The following SND1 variants were observed in gnomAD, a reference collection of about 807,000 sequenced individuals.
SND1 encodes the protein staphylococcal nuclease and tudor domain containing 1, also known as staphylococcal nuclease domain-containing protein 1.
In SND1, 38 loss-of-function variants were observed where a neutral mutation model predicts 121.7. That is an observed-to-expected ratio of 0.31 (90% confidence interval 0.24 to 0.41). The LOEUF is 0.41. Ranked by LOEUF, SND1 falls within the 10% of genes least tolerant of loss-of-function variation. SND1 has a pLI of 1.00. For synonymous variants in SND1, 401 were observed against 447.4 expected (o/e 0.90, Z 1.31); for missense variants, 868 against 1,184.6 (o/e 0.73, Z 3.92).
intron 15 of SND1, among the ~76,000 whole-genome samples, chr7:127,966,834 G>C (rs1801863966): frequency 7.0e-6 from 1 of 142,586 alleles, no homozygotes; most frequent in Non-Finnish European, 1.5e-5. Flanking sequence ...GCTAGCAGAA[G>C]GCAAGAAATA....
rs189860051 is a variant in SND1 at position 127,776,178 on chromosome 7, A to C, written c.1153-31306A>C. Among the ~76,000 whole-genome samples the C allele has an allele frequency of 1.9e-3, 288 of 152,334 alleles. 7 individuals are homozygous for C. The highest frequency in any genetic ancestry group is 0.016 in the Admixed American group (250 of 15,304). ...TGAGTGAAAAAATAGGCTTTCATCT[A>C]GCAGTTTTAGAAGGATGGTTTGGGA... On this transcript the variant is annotated intron_variant, in intron 10 of 23. Transcript: ENST00000354725.
intron 16 of SND1, among the ~76,000 whole-genome samples, chr7:128,014,540 G>T (rs538510278): frequency 1.6e-4 from 25 of 152,290 alleles, no homozygotes; most frequent in Admixed American, 1.1e-3. Context: ...TCCCAAAGGC[G>T]GGTGGGAAGG....
intron 12 of SND1, among the ~76,000 whole-genome samples, chr7:127,872,640 AC>A (rs1563042952): frequency 1.2e-3 from 184 of 149,542 alleles, no homozygotes; most frequent in Non-Finnish European, 2.4e-3. Context: ...ACACACACAC[AC>A]ACACACACAC....
At chr7:127,778,106 C>T (rs1266221457) in intron 10 of SND1, among the ~76,000 whole-genome samples, 1 of 152,158 alleles carries the variant, frequency 6.6e-6, no homozygotes, top group Non-Finnish European at 1.5e-5. Context: ...TGCCCCTTAC[C>T]TTCCATCTAG....
chr7:128,076,239 C>T (rs1051580419), intron 17 of SND1, among the ~76,000 whole-genome samples: 2 of 152,212 alleles, frequency 1.3e-5, no homozygotes, highest in African/African-American at 4.8e-5. Context: ...CTGTGCTGAA[C>T]TCAGCATCGT....
intron 12 of SND1, among the ~76,000 whole-genome samples, chr7:127,879,053 A>G (rs1029975035): frequency 6.6e-5 from 10 of 152,182 alleles, no homozygotes; most frequent in Admixed American, 6.5e-5. Flanking sequence ...GACTCCTTGA[A>G]GATGCCATCA....
intron 10 of SND1, among the ~76,000 whole-genome samples, chr7:127,752,006 C>G (rs1797105857): frequency 6.6e-6 from 1 of 152,260 alleles, no homozygotes; most frequent in Admixed American, 6.5e-5. Context: ...CATCTTTTTC[C>G]TTGCTGCTCT....
chr7:127,701,567 T>C (rs1796103963), intron 5 of SND1, among the ~76,000 whole-genome samples: 1 of 135,578 alleles, frequency 7.4e-6, no homozygotes, highest in Non-Finnish European at 1.6e-5. Flanking sequence ...AGTAAATTGC[T>C]GGTATTTTGC....
intron 19 of SND1, 134 bp downstream of exon 19, chr7:128,084,981 G>A (rs1259454503): frequency 3.5e-5 from 31 of 890,944 alleles, no homozygotes; most frequent in Non-Finnish European, 4.8e-5. Flanking sequence ...TCTCCTGGGT[G>A]TCCCTCTTCA....
At chr7:127,727,909 G>A (rs1363673156) in intron 10 of SND1, among the ~76,000 whole-genome samples, 1 of 152,122 alleles carries the variant, frequency 6.6e-6, no homozygotes, top group African/African-American at 2.4e-5. Context: ...TATATGTCCT[G>A]ATTTTTAAGA....
At chr7:128,028,462 G>T in intron 16 of SND1, 1 of 466,390 alleles carries the variant, frequency 2.1e-6, no homozygotes, top group Non-Finnish European at 3.7e-6. Flanking sequence ...ACGTTCCCAA[G>T]ATTCCCCCCC....
At chr7:127,692,163 G>T (rs1204388543) in intron 2 of SND1, among the ~76,000 whole-genome samples, 1 of 152,114 alleles carries the variant, frequency 6.6e-6, no homozygotes, top group Non-Finnish European at 1.5e-5. Flanking sequence ...ACATTCTGGG[G>T]TTTCATCTTG....
chr7:127,818,858 A>G (rs1798495758), intron 11 of SND1, among the ~76,000 whole-genome samples: 1 of 152,248 alleles, frequency 6.6e-6, no homozygotes, highest in Admixed American at 6.5e-5. Context: ...GAAGGGAGAA[A>G]GTCACAGAGG....
chr7:127,686,571 G>A lies in SND1; in HGVS notation c.79-42G>A, dbSNP rs768172527. The A allele has an allele frequency of 1.8e-5, 28 of 1,588,854 alleles. No individual in the cohort carries two copies. The Admixed American group carries it at 3.4e-4, about 19-fold the overall frequency. ...TACACAACCTGCATTATGGTGATACGGCCTCTGGACCATTCATTTTCTCTT... is the reference window on the plus strand; with the variant it reads ...TACACAACCTGCATTATGGTGATACAGCCTCTGGACCATTCATTTTCTCTT... On this transcript the variant is annotated intron_variant, in intron 1 of 23. Transcript: ENST00000354725.
chr7:128,028,917 A>C (rs1011503971), intron 16 of SND1: 4 of 1,612,098 alleles, frequency 2.5e-6, no homozygotes, highest in Non-Finnish European at 1.7e-6. Context: ...TGCTGCTGGG[A>C]TGTCTTCGTC....
chr7:127,928,102 G>T (rs966132659), intron 14 of SND1: 3 of 152,338 alleles, frequency 2.0e-5, no homozygotes, highest in South Asian at 4.1e-4. Context: ...GCATCTATGT[G>T]ACTGAGTTCT....
At chr7:127,695,703 G>A (rs1322715622) in intron 3 of SND1, among the ~76,000 whole-genome samples, 1 of 152,188 alleles carries the variant, frequency 6.6e-6, no homozygotes, top group Non-Finnish European at 1.5e-5. Flanking sequence ...GCGCACGCCT[G>A]TAGTCGTAGC....
intron 10 of SND1, among the ~76,000 whole-genome samples, chr7:127,801,140 G>C (rs1220544266): frequency 6.6e-6 from 1 of 152,166 alleles, no homozygotes; most frequent in African/African-American, 2.4e-5. Context: ...GTAGTTAGAG[G>C]TATGTGTGTT....
intron 10 of SND1, among the ~76,000 whole-genome samples, chr7:127,764,056 A>AAAAAAAAAAAAAAAAAAAAAAAAAAC (rs1554422863): frequency 5.2e-5 from 7 of 135,218 alleles, no homozygotes; most frequent in Non-Finnish European, 4.9e-5. Context: ...AAAAAAACAA[A>AAAAAAAAAAAAAAAAAAAAAAAAAAC]AAAACAAAAA....
Sources: gnomAD v4.1 joint callset for allele counts (sites outside exome capture counted in the v4.1 genomes callset) on GRCh38, gnomAD v4.1.1 for gene constraint, MANE v1.5 for transcripts, NCBI Gene and HGNC (gene_info 2026-07-23, HGNC 2026-07-21) for gene names.